DOCK8: variants seen among roughly 807,000 people sequenced by gnomAD.
DOCK8 encodes dedicator of cytokinesis 8.
DOCK8 carries 141 observed loss-of-function variants against 245.6 expected under a neutral mutation model. The ratio of observed to expected loss-of-function variants is 0.57; its 90% CI spans 0.50 to 0.66. The LOEUF is 0.66. Among genes scored for constraint, DOCK8 ranks in the 30% least tolerant of loss-of-function variants. DOCK8 has a pLI of 0.00. For synonymous variants in DOCK8, 1,168 were observed against 970.2 expected (o/e 1.20, Z -3.79); for missense variants, 2,965 against 2,603.4 (o/e 1.14, Z -3.02).
At chr9:411,674 T>C (rs1432511214) in intron 28 of DOCK8, among the ~76,000 whole-genome samples, 1 of 152,088 alleles carries the variant, frequency 6.6e-6, no homozygotes, top group East Asian at 1.9e-4. Flanking sequence ...CTGATGAATA[T>C]AGATGTAAGA....
At chr9:463,391 C>T (rs770170742) in intron 46 of DOCK8, 126 bp from the exon 47 acceptor site, 94 of 1,138,246 alleles carry the variant, frequency 8.3e-5, no homozygotes, top group Non-Finnish European at 1.1e-4. Flanking sequence ...CAGGTGATCC[C>T]GATATGCCAC....
At chr9:409,566 T>G (rs1244513455) in intron 28 of DOCK8, among the ~76,000 whole-genome samples, 1 of 152,220 alleles carries the variant, frequency 6.6e-6, no homozygotes, top group Non-Finnish European at 1.5e-5. Flanking sequence ...TGTATATATT[T>G]TTTAAATCTG....
chr9:251,398 A>T (rs1261985413), intron 1 of DOCK8, among the ~76,000 whole-genome samples: 1 of 152,210 alleles, frequency 6.6e-6, no homozygotes, highest in Non-Finnish European at 1.5e-5. Context: ...CCATGAAAGG[A>T]TTAATGATAT....
At chr9:345,936 T>A (rs2051862752) in intron 14 of DOCK8, among the ~76,000 whole-genome samples, 2 of 151,966 alleles carry the variant, frequency 1.3e-5, no homozygotes, top group African/African-American at 4.8e-5. Flanking sequence ...ATAAAATAAA[T>A]CCTTGCTCTA....
At chr9:314,625 C>A (rs934331409) in intron 6 of DOCK8, among the ~76,000 whole-genome samples, 1 of 152,042 alleles carries the variant, frequency 6.6e-6, no homozygotes, top group Admixed American at 6.6e-5. Flanking sequence ...TGTAAACTGG[C>A]GTGTCTAAAA....
In DOCK8 at chr9:273,082, A is replaced by G. The variant is rs2048209383; in HGVS notation, c.156+1353A>G. On this transcript the variant is annotated intron_variant, in intron 2 of 47. Coordinates refer to ENST00000432829, the MANE Select transcript of DOCK8 (RefSeq NM_203447.4). ...TCCTGTAACAATTTACGCGCCGTGT[A>G]ACTGTGAATCTTTCAAAGGTATGTT... is the stretch of plus-strand genomic sequence containing the variant. The G allele has an allele frequency of 1.5e-5, 15 of 985,366 alleles. No individual in the cohort carries two copies. In the South Asian group the frequency reaches 5.6e-4, roughly 37 times the overall value. The allele number at this position is 985,366 out of a possible 1,614,324, so 61.0% of individuals were successfully genotyped here.
At chr9:361,336 GTAACATA>G in intron 14 of DOCK8, among the ~76,000 whole-genome samples, 1 of 152,272 alleles carries the variant, frequency 6.6e-6, no homozygotes, top group East Asian at 1.9e-4. Context: ...GACTTCCCAG[GTAACATA>G]TAATATCTTA....
chr9:400,970 T>TCCA (rs1564016946), intron 26 of DOCK8, among the ~76,000 whole-genome samples: 11 of 89,316 alleles, frequency 1.2e-4, no homozygotes, highest in Non-Finnish European at 2.2e-4. Flanking sequence ...CACCACCTCC[T>TCCA]CCACCATCAC....
intron 23 of DOCK8, among the ~76,000 whole-genome samples, chr9:387,973 G>C (rs1458185601): frequency 6.6e-6 from 1 of 152,218 alleles, no homozygotes; most frequent in Non-Finnish European, 1.5e-5. Context: ...TTAGCAGACA[G>C]AGTTTTGCTG....
intron 8 of DOCK8, among the ~76,000 whole-genome samples, chr9:326,432 T>A (rs1442962185): frequency 6.6e-6 from 1 of 152,164 alleles, no homozygotes; most frequent in East Asian, 1.9e-4. Flanking sequence ...GTTCTCAAAC[T>A]TGAGCATGCA....
chr9:229,451 C>A (rs1440082553), intron 1 of DOCK8, among the ~76,000 whole-genome samples: 1 of 152,160 alleles, frequency 6.6e-6, no homozygotes, highest in African/African-American at 2.4e-5. Context: ...TTGAGATGCT[C>A]TTAAATCCCA....
chr9:300,324 A>G (rs1001679870), intron 4 of DOCK8, among the ~76,000 whole-genome samples: 18 of 152,244 alleles, frequency 1.2e-4, no homozygotes, highest in African/African-American at 3.6e-4. Context: ...TACTTTATCT[A>G]TCTGGCATTT....
upstream of DOCK8, among the ~76,000 whole-genome samples, chr9:212,289 G>C (rs2046631845): frequency 6.6e-6 from 1 of 152,126 alleles, no homozygotes; most frequent in African/African-American, 2.4e-5. Context: ...AAGAAGATGT[G>C]GGGAAAACTA....
chr9:348,501 T>C (rs561770749), intron 14 of DOCK8, among the ~76,000 whole-genome samples: 16 of 152,180 alleles, frequency 1.1e-4, no homozygotes, highest in Non-Finnish European at 2.4e-4. Flanking sequence ...ATTTTTCCAC[T>C]GTCCTTTACA....
At position 300,342 on chromosome 9, in the gene DOCK8, C is replaced by T. The variant is rs75318609; in HGVS notation, c.405-4239C>T. 6.8e-3 allele frequency among the ~76,000 whole-genome samples: 1,033 copies of T among 152,204 alleles called. 16 individuals carry two copies. The highest frequency in any genetic ancestry group is 0.024 in the African/African-American group (983 of 41,514). ...TTTATCTATCTGGCATTTGATCTAC[C>T]TAATACCTTCCAATATCACCTCATG... On this transcript the variant is annotated intron_variant, in intron 4 of 47. Coordinates refer to ENST00000432829, the MANE Select transcript of DOCK8 (RefSeq NM_203447.4).
At chr9:215,585 AG>A (rs2131314128) in intron 1 of DOCK8, 1 of 744,356 alleles carries the variant, frequency 1.3e-6, no homozygotes, top group East Asian at 3.4e-5. Flanking sequence ...CCTGGTCCAA[AG>A]GAGCCATGAA....
In DOCK8 at chr9:340,222, T is replaced by C. The variant is rs772153077; in HGVS notation, c.1580T>C (p.Met527Thr). The C allele has an allele frequency of 1.1e-5, 17 of 1,614,066 alleles. No homozygotes were observed. Among genetic ancestry groups the C allele is most frequent in the Non-Finnish European group, 1.4e-5 (16 of 1,180,036 alleles). The change falls in exon 14 of 48, where the codon ATG (methionine) becomes ACG (threonine). Residue 527 changes from methionine (M) to threonine (T), a missense_variant. By Grantham distance (81) the Met-to-Thr change is moderately conservative (BLOSUM62 -1). Transcript: ENST00000432829. ...EIINCCLTPEMLPVKPFPENR... is the reference protein window; with the variant it reads ...EIINCCLTPETLPVKPFPENR... ...ATCAATTGCTGTCTGACTCCTGAAATGCTGCCCGTGAAACCCTTTCCTGAA... is the reference window on the plus strand; with the variant it reads ...ATCAATTGCTGTCTGACTCCTGAAACGCTGCCCGTGAAACCCTTTCCTGAA...
At chr9:250,890 G>A (rs1320000486) in intron 1 of DOCK8, among the ~76,000 whole-genome samples, 4 of 152,284 alleles carry the variant, frequency 2.6e-5, no homozygotes, top group Middle Eastern at 3.4e-3. Context: ...GGTAGCCTGC[G>A]AACATTGGAT....
At position 214,927 on chromosome 9, in the gene DOCK8, C is replaced by T; in HGVS notation, c.-50C>T. The stretch of plus-strand genomic sequence containing the variant: ...GGCTACTCTGCGGCGCGCCAGGCCC[C>T]CGCTTTCCGCACCCCGCGACCCTAG... On this transcript the variant is annotated 5_prime_UTR_variant, in exon 1 of 48. Coordinates refer to ENST00000432829, the MANE Select transcript of DOCK8 (RefSeq NM_203447.4). 2 of 1,605,050 alleles carry T rather than the reference C, an allele frequency of 1.2e-6. No individual in the cohort carries two copies. Among genetic ancestry groups the T allele is most frequent in the Non-Finnish European group, 1.7e-6 (2 of 1,177,446 alleles).
Sources: allele counts gnomAD v4.1 joint callset (sites outside exome capture counted in the v4.1 genomes callset), GRCh38; gene constraint gnomAD v4.1.1; transcripts MANE v1.5; gene names NCBI Gene and HGNC (gene_info 2026-07-23, HGNC 2026-07-21).